The following FMN1 variants were observed in gnomAD, a reference collection of about 807,000 sequenced individuals.
The protein encoded by FMN1 is formin-1.
A neutral mutation model predicts 132.4 loss-of-function variants in FMN1; 110 were observed. That is an observed-to-expected ratio of 0.83 (90% confidence interval 0.71 to 0.97). The LOEUF is 0.97. FMN1 is among the 50% of genes least tolerant of loss of function. FMN1 has a pLI of 0.00. For synonymous variants in FMN1, 722 were observed against 651.7 expected (o/e 1.11, Z -1.64); for missense variants, 1,792 against 1,705.3 (o/e 1.05, Z -0.90).
At chr15:33,014,913 G>C (rs1038811649) in intron 6 of FMN1, among the ~76,000 whole-genome samples, 1 of 152,182 alleles carries the variant, frequency 6.6e-6, no homozygotes, top group Non-Finnish European at 1.5e-5. Context: ...TTACATATGG[G>C]TACGGATAAC....
At chr15:32,859,583 T>C (rs2059215912) in intron 16 of FMN1, among the ~76,000 whole-genome samples, 1 of 152,228 alleles carries the variant, frequency 6.6e-6, no homozygotes. Flanking sequence ...TTTTTGCATC[T>C]TTCAAACATA....
chr15:33,030,824 A>C (rs2035901230), intron 6 of FMN1, among the ~76,000 whole-genome samples: 1 of 152,126 alleles, frequency 6.6e-6, no homozygotes. Context: ...CTTATGTGGG[A>C]GTTTTTTTAT....
intron 6 of FMN1, among the ~76,000 whole-genome samples, chr15:33,032,363 A>G (rs925575579): frequency 6.6e-6 from 1 of 152,230 alleles, no homozygotes; most frequent in Non-Finnish European, 1.5e-5. Context: ...GCAAAAATAA[A>G]TATTAGCTTA....
At chr15:32,885,002 A>T (rs964005351) in intron 16 of FMN1, among the ~76,000 whole-genome samples, 4 of 152,142 alleles carry the variant, frequency 2.6e-5, no homozygotes, top group Non-Finnish European at 5.9e-5. Flanking sequence ...TGCAGACATT[A>T]TTTCCTATGA....
chr15:33,175,642 T>A (rs1965489518), intron 3 of FMN1, among the ~76,000 whole-genome samples: 1 of 152,292 alleles, frequency 6.6e-6, no homozygotes, highest in South Asian at 2.1e-4. Context: ...GGCTATATAT[T>A]TTCTGGCCTG....
rs917934398 is a variant in FMN1 at position 33,187,247 on chromosome 15, A to C, written c.-197+6662T>G. On this transcript the variant is annotated intron_variant, in intron 2 of 20. Coordinates refer to ENST00000616417, the MANE Select transcript of FMN1 (RefSeq NM_001277313.2). ...GAATTGGAATTCATTGCATCAGGAG[A>C]GGTATGTGGTAAGGAGAAAAAGATA... Among the ~76,000 whole-genome samples the C allele has an allele frequency of 4.6e-5, 7 of 152,172 alleles. No individual in the cohort carries two copies. In the South Asian group the frequency reaches 1.5e-3, roughly 32 times the overall value.
chr15:32,904,427 G>C (rs1196675232), intron 12 of FMN1, among the ~76,000 whole-genome samples: 1 of 152,190 alleles, frequency 6.6e-6, no homozygotes, highest in Non-Finnish European at 1.5e-5. Flanking sequence ...GACAGTTTCT[G>C]CTTTTTGTTG....
intron 17 of FMN1, among the ~76,000 whole-genome samples, chr15:32,840,547 G>A (rs1393858567): frequency 6.6e-6 from 1 of 152,218 alleles, no homozygotes; most frequent in African/African-American, 2.4e-5. Context: ...CAGAGTAGCT[G>A]TGTGAAAGGC....
chr15:33,016,481 CTG>C (rs377426402), intron 6 of FMN1, among the ~76,000 whole-genome samples: 1 of 152,270 alleles, frequency 6.6e-6, no homozygotes, highest in East Asian at 1.9e-4. Context: ...TCCTTAGTAA[CTG>C]TGCAGTTTGA....
chr15:32,903,070 C>T (rs1201139285), intron 12 of FMN1, among the ~76,000 whole-genome samples: 1 of 152,216 alleles, frequency 6.6e-6, no homozygotes, highest in Non-Finnish European at 1.5e-5. Context: ...TTTGCTTATA[C>T]ACCCTGTGCT....
At chr15:32,956,250 T>TTAC (rs1337805386) in intron 9 of FMN1, among the ~76,000 whole-genome samples, 16 of 152,098 alleles carry the variant, frequency 1.1e-4, no homozygotes, top group Non-Finnish European at 1.5e-5. Context: ...CCAGATCAAG[T>TTAC]TACTGTTGAA....
intron 17 of FMN1, chr15:32,811,107 A>T: frequency 2.2e-6 from 1 of 456,770 alleles, no homozygotes; most frequent in Middle Eastern, 3.3e-4. Flanking sequence ...TCGGAAAGGG[A>T]TGGCCTTTTA....
At chr15:32,797,861 T>TATA (rs1372103399) in intron 19 of FMN1, among the ~76,000 whole-genome samples, 3 of 151,656 alleles carry the variant, frequency 2.0e-5, no homozygotes, top group Admixed American at 6.5e-5. Context: ...ATATATTATG[T>TATA]ATATATCTTT....
chr15:32,825,993 AAAC>A (rs1474494250), intron 17 of FMN1, among the ~76,000 whole-genome samples: 3 of 152,240 alleles, frequency 2.0e-5, no homozygotes, highest in South Asian at 2.1e-4. Flanking sequence ...TTGAGAGGTC[AAAC>A]AACAATGACA....
chr15:32,966,709 C>G (rs188707000), intron 8 of FMN1, among the ~76,000 whole-genome samples: 64 of 152,290 alleles, frequency 4.2e-4, no homozygotes, highest in Non-Finnish European at 7.9e-4. Flanking sequence ...GCTGAAAATT[C>G]ACATTTTGTT....
intron 4 of FMN1, among the ~76,000 whole-genome samples, chr15:33,112,101 TATAA>T (rs1229580814): frequency 2.0e-5 from 3 of 152,168 alleles, no homozygotes; most frequent in African/African-American, 7.2e-5. Flanking sequence ...CAAAAAGCTA[TATAA>T]ATAAAGATTT....
chr15:33,033,671 T>G (rs1452758372), intron 6 of FMN1, among the ~76,000 whole-genome samples: 1 of 131,286 alleles, frequency 7.6e-6, no homozygotes, highest in African/African-American at 3.5e-5. Flanking sequence ...ACCTCATGGT[T>G]TTTTTTTTTT....
At chr15:32,891,463 C>G (rs1035623110) in intron 15 of FMN1, among the ~76,000 whole-genome samples, 5 of 152,194 alleles carry the variant, frequency 3.3e-5, no homozygotes, top group African/African-American at 1.2e-4. Flanking sequence ...AGGATGGTCT[C>G]AATCGCCTGA....
intron 2 of FMN1, among the ~76,000 whole-genome samples, chr15:33,180,836 C>T (rs185843054): frequency 6.6e-6 from 1 of 151,684 alleles, no homozygotes; most frequent in East Asian, 1.9e-4. Flanking sequence ...TGCAACCTCC[C>T]CCTCCAGGGT....
Sources: gnomAD v4.1 joint callset for allele counts (sites outside exome capture counted in the v4.1 genomes callset) on GRCh38, gnomAD v4.1.1 for gene constraint, MANE v1.5 for transcripts, NCBI Gene and HGNC (gene_info 2026-07-23, HGNC 2026-07-21) for gene names.